RSRP1: variants seen among roughly 807,000 people sequenced by gnomAD.
RSRP1 encodes arginine and serine rich protein 1.
Under a neutral mutation model 33.0 loss-of-function variants are expected in RSRP1, and 37 were observed. That is an observed-to-expected ratio of 1.12 (90% CI 0.86 to 1.48). The LOEUF (loss-of-function observed/expected upper bound fraction) is 1.48, where lower values mean the gene tolerates loss of function less well. RSRP1 is among the 40% of genes most tolerant of loss of function. The pLI, the probability that RSRP1 is intolerant of heterozygous loss-of-function variation, is 0.00. For synonymous variants in RSRP1, 167 were observed against 158.7 expected, an observed-to-expected ratio of 1.05 and a Z score of -0.40; for missense variants, 402 against 385.3, an observed-to-expected ratio of 1.04 and a Z score of -0.36.
In RSRP1 at chr1:25,322,170, C is replaced by G. The variant is rs1165489263; in HGVS notation, c.-67+15808G>C. ...GGGGAGGTGGTAAAGGTCACCATTTCCCTGATACCTCAAATTCATTCAGAG... is the reference window on the plus strand; with the variant it reads ...GGGGAGGTGGTAAAGGTCACCATTTGCCTGATACCTCAAATTCATTCAGAG... On this transcript the variant is annotated intron_variant, in intron 1 of 1. Transcript: ENST00000561867. 2.3e-5 allele frequency among the ~76,000 whole-genome samples: 3 copies of G among 131,256 alleles called. 1 individual carries two copies. Among genetic ancestry groups the G allele is most frequent in the Non-Finnish European group, 3.6e-5 (2 of 55,464 alleles). 86.1% of individuals were successfully genotyped at this position (131,256 alleles called of 152,430 possible). A position where few individuals can be genotyped will look rare whatever the true frequency, so the allele number is the denominator to read the frequency against.
intron 1 of RSRP1, among the ~76,000 whole-genome samples, chr1:25,298,768 G>C (rs1406633804): frequency 7.6e-6 from 1 of 131,228 alleles, no homozygotes; most frequent in African/African-American, 2.6e-5. Context: ...GTCTGTTCCA[G>C]AAGGAAAGAC....
rs141840686 is a variant in RSRP1 at position 25,278,182 on chromosome 1, G to A, written c.-66-31153C>T. On this transcript the variant is annotated intron_variant, in intron 1 of 1. Transcript: ENST00000561867. ...GAGATATTTAGGAGATAAGTCAGCT[G>A]TACTTGATGAAAAGAGTGGGGAGTT... Among the ~76,000 whole-genome samples the A allele has an allele frequency of 6.8e-4, 88 of 129,792 alleles. 3 individuals are homozygous for A. In the East Asian group the frequency reaches 0.016, roughly 23 times the overall value. 85.1% of individuals were successfully genotyped at this position (129,792 alleles called of 152,430 possible).
At position 25,293,965 on chromosome 1, in the gene RSRP1, C is replaced by G. The variant is rs187353078; in HGVS notation, c.-67+44013G>C. Among the ~76,000 whole-genome samples, 2 of 132,076 alleles carry G rather than the reference C, an allele frequency of 1.5e-5. 1 individual carries two copies. The highest frequency in any genetic ancestry group is 3.9e-4 in the East Asian group (2 of 5,146). 86.6% of individuals were successfully genotyped at this position (132,076 alleles called of 152,430 possible). A position where few individuals can be genotyped will look rare whatever the true frequency, so the allele number is the denominator to read the frequency against. ...CATTAACTCACCAGAATACAGAACTCAGTCTCACAACTTAGATATAATTCC... is the reference window on the plus strand; with the variant it reads ...CATTAACTCACCAGAATACAGAACTGAGTCTCACAACTTAGATATAATTCC... On this transcript the variant is annotated intron_variant, in intron 1 of 1. Coordinates refer to the RSRP1 transcript ENST00000561867.
chr1:25,275,870 CGAG>C (rs916826353), intron 1 of RSRP1, among the ~76,000 whole-genome samples: 1 of 131,650 alleles, frequency 7.6e-6, no homozygotes, highest in Non-Finnish European at 1.8e-5. Context: ...ACAGCTTGTA[CGAG>C]GAGAAGTTTC....
intron 1 of RSRP1, among the ~76,000 whole-genome samples, chr1:25,290,219 G>A (rs1301074225): frequency 7.8e-6 from 1 of 128,902 alleles, no homozygotes; most frequent in East Asian, 2.0e-4. Context: ...ACTGGATGTG[G>A]GCAGGCCTGC....
rs1203686924 is a variant in RSRP1 at position 25,314,209 on chromosome 1, T to C, written c.-67+23769A>G. ...CGCCAATCTAATCACCAGTAGTGTA[T>C]AGAAGCTCCTTTTACTCCACATTTT... is the stretch of plus-strand genomic sequence containing the variant. On this transcript the variant is annotated intron_variant, in intron 1 of 1. Transcript: ENST00000561867. Among the ~76,000 whole-genome samples the C allele has an allele frequency of 4.5e-5, 6 of 133,194 alleles. 2 individuals carry two copies. Among genetic ancestry groups the C allele is most frequent in the South Asian group, 2.3e-4 (1 of 4,368 alleles). 87.4% of individuals were successfully genotyped at this position (133,194 alleles called of 152,430 possible).
At chr1:25,257,336 G>C (rs1382798158) in intron 1 of RSRP1, among the ~76,000 whole-genome samples, 2 of 152,106 alleles carry the variant, frequency 1.3e-5, no homozygotes, top group Non-Finnish European at 2.9e-5. Context: ...AGAGAAACTT[G>C]TTCTTACTCT....
At chr1:25,247,237 C>T (rs752997855) in intron 1 of RSRP1, 72 bp downstream of exon 1, 41 of 423,682 alleles carry the variant, frequency 9.7e-5, no homozygotes, top group Non-Finnish European at 1.7e-4. Context: ...CGGGGCCCGG[C>T]ACGTTTCCCG....
intron 1 of RSRP1, chr1:25,272,512 G>C (rs1640562726): frequency 1.9e-6 from 3 of 1,558,906 alleles, no homozygotes; most frequent in Non-Finnish European, 2.6e-6. Flanking sequence ...GTGATGCCTG[G>C]TGCTGGTGGA....
intron 1 of RSRP1, among the ~76,000 whole-genome samples, chr1:25,295,850 A>ATT (rs61131306): frequency 2.5e-5 from 2 of 81,306 alleles, no homozygotes; most frequent in African/African-American, 8.6e-5. Context: ...AATATGGGAA[A>ATT]TTTTTTTTTT....
chr1:25,322,275 T>C (rs1185342387), intron 1 of RSRP1, among the ~76,000 whole-genome samples: 1 of 132,528 alleles, frequency 7.5e-6, no homozygotes, highest in South Asian at 2.3e-4. Flanking sequence ...TAGTCTGACA[T>C]GCGGGTGACA....
rs1257578225 is a variant in RSRP1 at position 25,321,668 on chromosome 1, T to G, written c.-67+16310A>C. On this transcript the variant is annotated intron_variant, in intron 1 of 1. Coordinates refer to the RSRP1 transcript ENST00000561867. Reference sequence around the variant, plus strand: ...CTGGGCGATAGAGTGAGACTCTGTCTCAAAATAAATAAAATAAAATAAAAT... The same window carrying G: ...CTGGGCGATAGAGTGAGACTCTGTCGCAAAATAAATAAAATAAAATAAAAT... 1.8e-5 allele frequency among the ~76,000 whole-genome samples: 2 copies of G among 110,568 alleles called. 1 individual carries two copies. The highest frequency in any genetic ancestry group is 4.2e-5 in the Non-Finnish European group (2 of 47,216). The allele number at this position is 110,568 out of a possible 152,430, so 72.5% of individuals were successfully genotyped here. A position where few individuals can be genotyped will look rare whatever the true frequency, so the allele number is the denominator to read the frequency against.
chr1:25,245,210 A>C lies in RSRP1; in HGVS notation c.612T>G (p.Val204=). The change falls in exon 3 of 5, where the codon GTT becomes GTG. Residue 204 remains valine, a synonymous_variant. Transcript: ENST00000243189. The part of the protein sequence containing the change: ...NIDLPASLRT[V]PSAKETSRGI... ...CACGGCTTGTTTCTTTGGCTGAAGG[A>C]ACAGTTCTGAGACTAGCTGGCAAGT... 6.2e-7 allele frequency: 1 copy of C among 1,614,142 alleles called. No homozygotes were observed. Among genetic ancestry groups the C allele is most frequent in the East Asian group, 2.2e-5 (1 of 44,884 alleles).
chr1:25,263,418 C>T (rs1270658335), intron 1 of RSRP1, among the ~76,000 whole-genome samples: 48 of 148,932 alleles, frequency 3.2e-4, no homozygotes, highest in Admixed American at 9.3e-4. Context: ...ACAATCATGG[C>T]GAAAGGCAAT....
At position 25,278,550 on chromosome 1, in the gene RSRP1, A is replaced by T. The variant is rs1641213172; in HGVS notation, c.-66-31521T>A. ...CTGCAGTTTGGGGTGGGATGGCCTCAGATGACCTCATTCACGTGTTTGGCA... is the reference window on the plus strand; with the variant it reads ...CTGCAGTTTGGGGTGGGATGGCCTCTGATGACCTCATTCACGTGTTTGGCA... On this transcript the variant is annotated intron_variant, in intron 1 of 1. Coordinates refer to the RSRP1 transcript ENST00000561867. 2.3e-5 allele frequency among the ~76,000 whole-genome samples: 3 copies of T among 131,662 alleles called. 1 individual carries two copies. The highest frequency in any genetic ancestry group is 5.4e-5 in the Non-Finnish European group (3 of 55,548). 86.4% of individuals were successfully genotyped at this position (131,662 alleles called of 152,430 possible).
At chr1:25,323,464 A>T (rs1644822014) in intron 1 of RSRP1, among the ~76,000 whole-genome samples, 2 of 119,030 alleles carry the variant, frequency 1.7e-5, no homozygotes, top group African/African-American at 5.8e-5. Flanking sequence ...CATTTTCTGT[A>T]ATTTTTTTGT....
rs923320019 is a variant in RSRP1 at position 25,309,017 on chromosome 1, T to C, written c.-67+28961A>G. ...CTGATGCTGCATCCGTATGAGGACATCTCTATGTAATGGAAAGATGGAGAG... is the reference window on the plus strand; with the variant it reads ...CTGATGCTGCATCCGTATGAGGACACCTCTATGTAATGGAAAGATGGAGAG... On this transcript the variant is annotated intron_variant, in intron 1 of 1. Transcript: ENST00000561867. Among the ~76,000 whole-genome samples the C allele has an allele frequency of 3.8e-5, 5 of 132,088 alleles. 1 individual carries two copies. Among genetic ancestry groups the C allele is most frequent in the African/African-American group, 1.3e-4 (5 of 38,174 alleles). 86.7% of individuals were successfully genotyped at this position (132,088 alleles called of 152,430 possible).
chr1:25,243,846 T>C, intron 3 of RSRP1: 3 of 1,274,058 alleles, frequency 2.4e-6, no homozygotes, highest in Non-Finnish European at 3.0e-6. Flanking sequence ...ATTATTTTAC[T>C]TCCCTGCTGG....
In RSRP1 at chr1:25,276,053, C is replaced by T. The variant is rs1364428318; in HGVS notation, c.-66-29024G>A. 1.5e-5 allele frequency among the ~76,000 whole-genome samples: 2 copies of T among 131,816 alleles called. 1 individual carries two copies. Among genetic ancestry groups the T allele is most frequent in the Non-Finnish European group, 3.6e-5 (2 of 55,800 alleles). The allele number at this position is 131,816 out of a possible 152,430, so 86.5% of individuals were successfully genotyped here. A position where few individuals can be genotyped will look rare whatever the true frequency, so the allele number is the denominator to read the frequency against. ...CTTAATTGAATTCAGTCCTGGTAAA[C>T]TATAATAGATTATTCAAACCTGCCA... On this transcript the variant is annotated intron_variant, in intron 1 of 1. Transcript: ENST00000561867.
Sources: gnomAD v4.1 joint callset for allele counts (sites outside exome capture counted in the v4.1 genomes callset) on GRCh38, gnomAD v4.1.1 for gene constraint, MANE v1.5 for transcripts, NCBI Gene and HGNC (gene_info 2026-07-23, HGNC 2026-07-21) for gene names.